Variants in TTC21A observed in about 807,000 individuals in gnomAD.
TTC21A encodes the protein tetratricopeptide repeat protein 21A.
A neutral mutation model predicts 156.4 loss-of-function variants in TTC21A; 128 were observed. The ratio of observed to expected loss-of-function variants is 0.82; its 90% CI spans 0.71 to 0.95. The LOEUF (loss-of-function observed/expected upper bound fraction) is 0.95, where lower values mean the gene tolerates loss of function less well. Among genes scored for constraint, TTC21A ranks in the 40% least tolerant of loss-of-function variants. The pLI is 0.00. For missense variants in TTC21A, 1,435 were observed against 1,602.3 expected (o/e 0.90, Z 1.78); for synonymous variants, 587 against 617.1 (o/e 0.95, Z 0.72).
intron 4 of TTC21A, among the ~76,000 whole-genome samples, chr3:39,111,755 A>G (rs2036851810): frequency 1.3e-5 from 2 of 152,190 alleles, no homozygotes; most frequent in African/African-American, 4.8e-5. Flanking sequence ...AAGGGGAGGG[A>G]TTGATTAGAA....
At chr3:39,129,356 T>C (rs1324011486) in intron 15 of TTC21A, 46 bp downstream of exon 15, 14 of 1,400,828 alleles carry the variant, frequency 1.0e-5, no homozygotes, top group Non-Finnish European at 1.4e-5. Flanking sequence ...TCCAATGGTA[T>C]CTTAGGGAGT....
At chr3:39,109,679 G>A (rs1216543696) in intron 2 of TTC21A, among the ~76,000 whole-genome samples, 1 of 152,214 alleles carries the variant, frequency 6.6e-6, no homozygotes, top group African/African-American at 2.4e-5. Flanking sequence ...AATGTCTGAG[G>A]ACATGGAGGG....
At chr3:39,123,295 A>G (rs1287586422) in intron 9 of TTC21A, among the ~76,000 whole-genome samples, 1 of 152,210 alleles carries the variant, frequency 6.6e-6, no homozygotes, top group Non-Finnish European at 1.5e-5. Flanking sequence ...GAATAAATAT[A>G]CCAAAGTAGC....
At position 39,107,795 on chromosome 3, in the gene TTC21A, A is replaced by G; in HGVS notation, c.-43A>G. On this transcript the variant is annotated 5_prime_UTR_variant, in exon 1 of 29. Coordinates refer to ENST00000683103, the MANE Select transcript of TTC21A (RefSeq NM_001366900.1). ...CCCTGCCTCGGGAATCCCGCTCTGC[A>G]CCGCCCCACCAGACCCGGACTCGGA... is the stretch of plus-strand genomic sequence containing the variant. 6.2e-7 allele frequency: 1 copy of G among 1,611,636 alleles called. No individual in the cohort carries two copies. The highest frequency in any genetic ancestry group is 1.1e-5 in the South Asian group (1 of 91,074).
intron 23 of TTC21A, 122 bp downstream of exon 23, chr3:39,136,629 C>T: frequency 1.6e-6 from 2 of 1,261,164 alleles, no homozygotes; most frequent in East Asian, 2.4e-5. Context: ...CCGGACCCAG[C>T]AAGTGAGGGC....
intron 23 of TTC21A, 33 bp from the exon 24 acceptor site, chr3:39,136,866 C>T (rs1442229388): frequency 1.2e-6 from 2 of 1,611,460 alleles, no homozygotes; most frequent in East Asian, 4.5e-5. Context: ...CCTCAGTTTC[C>T]CTCACTGATT....
intron 14 of TTC21A, 36 bp downstream of exon 14, chr3:39,128,968 G>C (rs1285514451): frequency 1.9e-6 from 3 of 1,611,786 alleles, no homozygotes; most frequent in Non-Finnish European, 2.5e-6. Flanking sequence ...TGGGGACTGG[G>C]GCACACTGGA....
chr3:39,137,842 G>A (rs2039251118), intron 26 of TTC21A, 132 bp downstream of exon 26: 4 of 951,530 alleles, frequency 4.2e-6, no homozygotes, highest in South Asian at 3.1e-5. Flanking sequence ...AGGCTGAGAG[G>A]GGCACATGGG....
intron 4 of TTC21A, 124 bp downstream of exon 4, chr3:39,111,141 A>G: frequency 9.4e-7 from 1 of 1,068,758 alleles, no homozygotes. Context: ...GGCACTGGCA[A>G]AACACCGGGT....
At chr3:39,128,217 T>C in intron 12 of TTC21A, 114 bp from the exon 13 acceptor site, 1 of 1,238,320 alleles carries the variant, frequency 8.1e-7, no homozygotes, top group East Asian at 2.3e-5. Flanking sequence ...GCTAAAATAC[T>C]CAATTTTGTA....
At chr3:39,116,491 T>TTG (rs2037300629) in intron 6 of TTC21A, among the ~76,000 whole-genome samples, 1 of 151,890 alleles carries the variant, frequency 6.6e-6, no homozygotes, top group African/African-American at 2.4e-5. Flanking sequence ...CCCCTTTTTT[T>TTG]GGGGGGGAAT....
At position 39,138,642 on chromosome 3, in the gene TTC21A, T is replaced by C. The variant is rs372996131; in HGVS notation, c.3864+19T>C. On this transcript the variant is annotated intron_variant, in intron 28 of 28. Transcript: ENST00000683103. The stretch of plus-strand genomic sequence containing the variant: ...CAACGATGTAAGCCAGCAGCCTTGG[T>C]GGGGAGGGCCTGGTGTAGTGGTGGG... 40 of 1,613,890 alleles carry C rather than the reference T, an allele frequency of 2.5e-5. No individual in the cohort carries two copies. In the Middle Eastern group the frequency reaches 8.2e-4, roughly 33 times the overall value.
In TTC21A at chr3:39,134,381, TC is replaced by T; in HGVS notation, c.2862+56del. 1 of 1,292,962 alleles carries T rather than the reference TC, an allele frequency of 7.7e-7. No individual in the cohort carries two copies. 80.1% of individuals were successfully genotyped at this position (1,292,962 alleles called of 1,614,324 possible). A position where few individuals can be genotyped will look rare whatever the true frequency, so the allele number is the denominator to read the frequency against. On this transcript the variant is annotated intron_variant, in intron 21 of 28. Coordinates refer to ENST00000683103, the MANE Select transcript of TTC21A (RefSeq NM_001366900.1). This position sits in a 1 kb window ranked among gnomAD's most constrained non-coding sequence, Gnocchi z 4.6. ...CCCCTCCCTTCCTCCCTTCCCAGGG[TC>T]CCTGTGACCAGATGCAGGCTACTTC...
intron 26 of TTC21A, 122 bp downstream of exon 26, chr3:39,137,832 A>G (rs982799300): frequency 9.9e-5 from 106 of 1,071,662 alleles, no homozygotes; most frequent in Admixed American, 6.3e-5. Flanking sequence ...GGGAAGAGGC[A>G]GGCTGAGAGG....
rs115026374 is a variant in TTC21A, at chr3:39,130,520, G to A, written c.2319+162G>A. Reference sequence around the variant, plus strand: ...CAAGGGGAGAACTCAGCAACTCTCTGCTGCTGACCACACCTGCTTAAGCTG... The same window carrying A: ...CAAGGGGAGAACTCAGCAACTCTCTACTGCTGACCACACCTGCTTAAGCTG... On this transcript the variant is annotated intron_variant, in intron 17 of 28. Transcript: ENST00000683103. The surrounding 1 kb of genome is among the most constrained non-coding windows in gnomAD (Gnocchi z 4.5). 1.1e-3 allele frequency: 1,069 copies of A among 972,904 alleles called. 11 individuals carry two copies. The African/African-American group carries it at 0.015, about 13-fold the overall frequency. The allele number at this position is 972,904 out of a possible 1,614,324, so 60.3% of individuals were successfully genotyped here.
At position 39,128,728 on chromosome 3, in the gene TTC21A, C is replaced by T; in HGVS notation, c.1692C>T (p.His564=). The part of the protein sequence containing the change: ...GVSHNFQVRD[H]PLYHLIKARA... ...TGTGCTCCTCCTAGGTCCGAGATCA[C>T]CCCCTCTACCACCTCATCAAGGCCA... Residue 564 remains histidine (H), a synonymous_variant, in exon 14 of 29, where the codon CAC becomes CAT. Transcript: ENST00000683103. 1 of 1,614,100 alleles carries T rather than the reference C, an allele frequency of 6.2e-7. No individual in the cohort carries two copies. The highest frequency in any genetic ancestry group is 8.5e-7 in the Non-Finnish European group (1 of 1,180,000).
intron 12 of TTC21A, 84 bp downstream of exon 12, chr3:39,126,474 C>A: frequency 3.7e-4 from 299 of 815,364 alleles, no homozygotes; most frequent in Non-Finnish European, 5.3e-4. Flanking sequence ...GCCTAGGATA[C>A]TACACACACA....
chr3:39,127,075 AG>A (rs1420835040), intron 12 of TTC21A, among the ~76,000 whole-genome samples: 1 of 152,310 alleles, frequency 6.6e-6, no homozygotes, highest in East Asian at 1.9e-4. Flanking sequence ...CAGAGCCTCC[AG>A]GGGCCCTTTC....
intron 20 of TTC21A, among the ~76,000 whole-genome samples, chr3:39,133,513 CGTTAGTCTGACATTTTCAA>C (rs888345159): frequency 2.0e-5 from 3 of 152,116 alleles, no homozygotes; most frequent in African/African-American, 4.8e-5. Flanking sequence ...CTGAAAATCA[CGTTAGTCTGACATTTTCAA>C]GTCCCCGTTG....
Sources: gnomAD v4.1 joint callset for allele counts (sites outside exome capture counted in the v4.1 genomes callset) on GRCh38, gnomAD v4.1.1 for gene constraint, Gnocchi (gnomAD v3.1) non-coding constraint, MANE v1.5 for transcripts, NCBI Gene and HGNC (gene_info 2026-07-23, HGNC 2026-07-21) for gene names.